DIAPH2: variants seen among roughly 807,000 people sequenced by gnomAD.
DIAPH2 encodes protein diaphanous homolog 2.
A neutral mutation model predicts 92.7 loss-of-function variants in DIAPH2; 35 were observed. That is an observed-to-expected ratio of 0.38 (90% confidence interval 0.29 to 0.50). The LOEUF (loss-of-function observed/expected upper bound fraction) is 0.50, where lower values mean the gene tolerates loss of function less well. Ranked by LOEUF, DIAPH2 falls within the 20% of genes least tolerant of loss-of-function variation. DIAPH2 has a pLI of 0.94. For synonymous variants in DIAPH2, 301 were observed against 280.4 expected (o/e 1.07, Z -0.73); for missense variants, 701 against 819.5 (o/e 0.86, Z 1.77).
chrX:97,185,381 G>GTATATATA (rs1238589084), intron 22 of DIAPH2, among the ~76,000 whole-genome samples: 1 of 27,900 alleles, frequency 3.6e-5, no homozygotes, highest in Non-Finnish European at 5.3e-5. Context: ...ATATATATAT[G>GTATATATA]TATATATATA....
intron 1 of DIAPH2, among the ~76,000 whole-genome samples, chrX:96,722,892 T>G (rs1349826506): frequency 8.9e-6 from 1 of 111,915 alleles, no homozygotes. Context: ...ATCATAACTT[T>G]TAAGTTTTAA....
chrX:97,274,006 GGTGTGTGTGTGTGTGTGTGTGTGT>G (rs55778849), intron 23 of DIAPH2, among the ~76,000 whole-genome samples: 5 of 86,730 alleles, frequency 5.8e-5, no homozygotes, highest in African/African-American at 2.1e-4. Context: ...TAAAACTAGC[GGTGTGTGTGTGTGTGTGTGTGTGT>G]GTGTGTGTGT....
At position 96,727,211 on chromosome X, in the gene DIAPH2, T is replaced by C. The variant is rs191328141; in HGVS notation, c.133-8547T>C. 1.8e-4 allele frequency among the ~76,000 whole-genome samples: 20 copies of C among 112,380 alleles called. No homozygotes were observed. In the East Asian group the frequency reaches 5.6e-3, roughly 31 times the overall value. On this transcript the variant is annotated intron_variant, in intron 1 of 26. Coordinates refer to ENST00000324765, the MANE Select transcript of DIAPH2 (RefSeq NM_006729.5). Reference sequence around the variant, plus strand: ...ATATGATACACCTAGCATATTCCTTTCTAAAACATGAAACATGCTGAGTTC... The same window carrying C: ...ATATGATACACCTAGCATATTCCTTCCTAAAACATGAAACATGCTGAGTTC...
Position 97,247,697 on chromosome X carries a change from T to A in DIAPH2, c.2720-18T>A, listed in dbSNP as rs746119994. ...CACTTGGTAAAATATTCTAAATCCT[T>A]TGCACACTGTTCTTTAGTTTCAGCT... On this transcript the variant is annotated intron_variant, in intron 22 of 26. Coordinates refer to ENST00000324765, the MANE Select transcript of DIAPH2 (RefSeq NM_006729.5). 29 of 1,191,293 alleles carry A rather than the reference T, an allele frequency of 2.4e-5. No individual in the cohort carries two copies. The South Asian group carries it at 5.2e-4, about 22-fold the overall frequency.
At chrX:96,687,061 G>A (rs1218052594) in intron 1 of DIAPH2, among the ~76,000 whole-genome samples, 1 of 111,370 alleles carries the variant, frequency 9.0e-6, no homozygotes, top group Non-Finnish European at 1.9e-5. Context: ...GTGTATATGG[G>A]TACATTTATT....
At chrX:97,228,108 C>G (rs2067980154) in intron 22 of DIAPH2, among the ~76,000 whole-genome samples, 1 of 111,187 alleles carries the variant, frequency 9.0e-6, no homozygotes, top group Non-Finnish European at 1.9e-5. Flanking sequence ...ACTATATTGG[C>G]CAGGCTGGTC....
intron 19 of DIAPH2, among the ~76,000 whole-genome samples, chrX:97,086,375 T>C (rs1411251069): frequency 9.0e-6 from 1 of 111,696 alleles, no homozygotes; most frequent in African/African-American, 3.3e-5. Context: ...AGAGTGGTGG[T>C]TACCAGGGAC....
intron 26 of DIAPH2, among the ~76,000 whole-genome samples, chrX:97,523,761 A>G (rs2071006442): frequency 8.9e-6 from 1 of 111,761 alleles, no homozygotes; most frequent in African/African-American, 3.2e-5. Flanking sequence ...TAATTTTTTT[A>G]TGATCTATTT....
chrX:97,061,116 G>A (rs1417075965), intron 17 of DIAPH2, among the ~76,000 whole-genome samples: 1 of 112,311 alleles, frequency 8.9e-6, no homozygotes, highest in African/African-American at 3.2e-5. Context: ...TTGATAAATA[G>A]GTTACATGTT....
chrX:96,891,266 C>G, intron 5 of DIAPH2, among the ~76,000 whole-genome samples: 1 of 112,201 alleles, frequency 8.9e-6, no homozygotes, highest in Non-Finnish European at 1.9e-5. Flanking sequence ...ACATAGCATG[C>G]TTTACACAAT....
chrX:97,049,983 A>G (rs1569288776), intron 17 of DIAPH2, among the ~76,000 whole-genome samples: 1 of 111,189 alleles, frequency 9.0e-6, no homozygotes, highest in African/African-American at 3.3e-5. Flanking sequence ...TCTGTTCCCT[A>G]TCTCCAAACT....
chrX:97,320,714 C>CAAA (rs146316009), intron 23 of DIAPH2, among the ~76,000 whole-genome samples: 2 of 40,134 alleles, frequency 5.0e-5, no homozygotes, highest in Admixed American at 3.5e-4. Context: ...GACTCCGTCT[C>CAAA]AAAAAAAAAA....
intron 1 of DIAPH2, among the ~76,000 whole-genome samples, chrX:96,694,710 T>C (rs952351332): frequency 1.1e-4 from 12 of 111,736 alleles, no homozygotes; most frequent in African/African-American, 3.3e-4. Flanking sequence ...GCAGAACATA[T>C]AGAAAGTTAA....
intron 26 of DIAPH2, among the ~76,000 whole-genome samples, chrX:97,514,403 A>T (rs1389549651): frequency 2.1e-4 from 24 of 111,683 alleles, no homozygotes; most frequent in African/African-American, 7.2e-4. Flanking sequence ...TTCTAGTTAT[A>T]CATTCTTCTA....
intron 4 of DIAPH2, among the ~76,000 whole-genome samples, chrX:96,836,808 A>G (rs1408968091): frequency 4.3e-4 from 37 of 85,649 alleles, no homozygotes; most frequent in African/African-American, 1.5e-3. Flanking sequence ...GCTCACTGCA[A>G]GCTCCGCCTC....
At chrX:97,192,105 C>A (rs1468970946) in intron 22 of DIAPH2, among the ~76,000 whole-genome samples, 7 of 110,040 alleles carry the variant, frequency 6.4e-5, no homozygotes, top group African/African-American at 2.3e-4. Flanking sequence ...GCCTGGCCAA[C>A]ATAGTGAAAC....
At chrX:97,313,572 G>T (rs1196401351) in intron 23 of DIAPH2, among the ~76,000 whole-genome samples, 1 of 111,337 alleles carries the variant, frequency 9.0e-6, no homozygotes, top group African/African-American at 3.3e-5. Flanking sequence ...ATACAATTTG[G>T]AAAGATTGTC....
intron 17 of DIAPH2, among the ~76,000 whole-genome samples, chrX:97,061,257 T>C (rs748329390): frequency 8.9e-5 from 10 of 112,052 alleles, no homozygotes; most frequent in Non-Finnish European, 1.7e-4. Flanking sequence ...GATCTGTTGC[T>C]CTAAGGCCCA....
At chrX:97,301,277 G>T (rs1181022217) in intron 23 of DIAPH2, among the ~76,000 whole-genome samples, 3 of 110,512 alleles carry the variant, frequency 2.7e-5, no homozygotes, top group Non-Finnish European at 5.7e-5. Flanking sequence ...AGTTAAACAT[G>T]AGTCATGCCC....
Sources: allele counts gnomAD v4.1 joint callset (sites outside exome capture counted in the v4.1 genomes callset), GRCh38; gene constraint gnomAD v4.1.1; transcripts MANE v1.5; gene names NCBI Gene and HGNC (gene_info 2026-07-23, HGNC 2026-07-21).